USH2A: variants seen among roughly 807,000 people sequenced by gnomAD.
USH2A encodes the protein Usher syndrome 2A (autosomal recessive, mild).
USH2A carries 443 observed loss-of-function variants against 538.9 expected under a neutral mutation model. The observed-to-expected ratio is 0.82, with a 90% confidence interval of 0.76 to 0.89. The LOEUF is 0.89. USH2A is among the 40% of genes least tolerant of loss of function. USH2A has a pLI of 0.00. For missense variants in USH2A, 6,633 were observed against 6,324.8 expected (o/e 1.05, Z -1.65); for synonymous variants, 2,413 against 2,273.5 (o/e 1.06, Z -1.75).
chr1:216,119,986 G>T (rs2102593260), intron 21 of USH2A, among the ~76,000 whole-genome samples: 1 of 149,940 alleles, frequency 6.7e-6, no homozygotes, highest in African/African-American at 2.4e-5. Context: ...ATATTCACTT[G>T]TTTTTTTTTA....
chr1:216,183,528 G>A (rs1264282175), intron 20 of USH2A, among the ~76,000 whole-genome samples: 1 of 151,916 alleles, frequency 6.6e-6, no homozygotes, highest in East Asian at 1.9e-4. Context: ...ACCGATTTAA[G>A]ATGCGGCATA....
At chr1:216,241,648 C>A (rs189423257) in intron 13 of USH2A, among the ~76,000 whole-genome samples, 3 of 152,178 alleles carry the variant, frequency 2.0e-5, no homozygotes, top group African/African-American at 7.2e-5. Flanking sequence ...GATTCTCCTG[C>A]CTCAGTCTCC....
chr1:216,152,462 C>G (rs2033857327), intron 21 of USH2A, among the ~76,000 whole-genome samples: 3 of 150,464 alleles, frequency 2.0e-5, no homozygotes, highest in Non-Finnish European at 4.4e-5. Flanking sequence ...GCGACCCCCA[C>G]TCCTGCCCAC....
At chr1:216,285,608 C>T (rs1242870648) in intron 11 of USH2A, among the ~76,000 whole-genome samples, 2 of 152,206 alleles carry the variant, frequency 1.3e-5, no homozygotes, top group Non-Finnish European at 2.9e-5. Context: ...AGGGGGCCAC[C>T]ATCCTCCAGA....
chr1:216,262,509 A>G (rs2036393476), intron 11 of USH2A, among the ~76,000 whole-genome samples: 1 of 152,094 alleles, frequency 6.6e-6, no homozygotes, highest in African/African-American at 2.4e-5. Context: ...GTCTATTGAA[A>G]TAACTCAAGC....
chr1:216,326,256 A>T (rs2037733210), intron 5 of USH2A, among the ~76,000 whole-genome samples: 1 of 152,180 alleles, frequency 6.6e-6, no homozygotes, highest in Non-Finnish European at 1.5e-5. Context: ...CTAGACCAGA[A>T]TTAGTCATTC....
chr1:215,652,204 G>A (rs955242320), intron 64 of USH2A, among the ~76,000 whole-genome samples: 1 of 152,224 alleles, frequency 6.6e-6, no homozygotes, highest in African/African-American at 2.4e-5. Flanking sequence ...TGAGGAAATT[G>A]AGCCTCAGAA....
At chr1:216,290,961 C>A (rs2036988848) in intron 10 of USH2A, among the ~76,000 whole-genome samples, 1 of 152,122 alleles carries the variant, frequency 6.6e-6, no homozygotes, top group African/African-American at 2.4e-5. Flanking sequence ...TCTATCCGTA[C>A]CATCTGAAAT....
chr1:216,371,572 A>C (rs548744193), intron 3 of USH2A, among the ~76,000 whole-genome samples: 1 of 152,264 alleles, frequency 6.6e-6, no homozygotes, highest in East Asian at 1.9e-4. Flanking sequence ...ATACATGTAC[A>C]GTTGGCTTTG....
rs777629750 is a variant in USH2A at position 216,247,101 on chromosome 1, G to T, written c.2293C>A (p.Gln765Lys). The part of the protein sequence containing the change: ...VNKFCNPHSG[Q>K]CECKKEAKGL... ...TTGGCTTCTTTTTTGCACTCACACT[G>T]CCCAGAGTGAGGATTGCAGAATTTG... Residue 765 changes from glutamine (Q) to lysine (K), a missense_variant, in exon 13 of 72, where the codon CAG becomes AAG. Coordinates refer to ENST00000307340, the MANE Select transcript of USH2A (RefSeq NM_206933.4). 1 of 1,614,012 alleles carries T rather than the reference G, an allele frequency of 6.2e-7. No individual in the cohort carries two copies. Among genetic ancestry groups the T allele is most frequent in the Non-Finnish European group, 8.5e-7 (1 of 1,179,942 alleles).
At chr1:215,887,471 T>G (rs1263572452) in intron 41 of USH2A, among the ~76,000 whole-genome samples, 1 of 152,344 alleles carries the variant, frequency 6.6e-6, no homozygotes, top group Middle Eastern at 3.4e-3. Context: ...GTATATCGTG[T>G]ACTTAAAATT....
At chr1:216,237,545 G>A (rs189566434) in intron 13 of USH2A, among the ~76,000 whole-genome samples, 1 of 149,194 alleles carries the variant, frequency 6.7e-6, no homozygotes, top group Non-Finnish European at 1.5e-5. Flanking sequence ...CACTCTTTCA[G>A]AGTATACATT....
intron 11 of USH2A, among the ~76,000 whole-genome samples, chr1:216,258,815 A>G (rs1325449770): frequency 2.6e-5 from 4 of 152,116 alleles, no homozygotes; most frequent in Non-Finnish European, 2.9e-5. Context: ...GTTCAGTCAA[A>G]GTAAAGTCTC....
chr1:215,759,627 C>T (rs748416103), intron 57 of USH2A, 33 bp downstream of exon 57: 42 of 1,612,426 alleles, frequency 2.6e-5, no homozygotes, highest in Non-Finnish European at 3.2e-5. Context: ...ACAAATCCTG[C>T]TGTATGATTG....
chr1:216,409,301 T>TC (rs2039444032), intron 3 of USH2A, among the ~76,000 whole-genome samples: 1 of 152,132 alleles, frequency 6.6e-6, no homozygotes, highest in Non-Finnish European at 1.5e-5. Context: ...AAAATGGCCA[T>TC]ATTGCCCAAA....
chr1:216,362,458 G>C (rs889293120), intron 4 of USH2A, among the ~76,000 whole-genome samples: 1 of 152,018 alleles, frequency 6.6e-6, no homozygotes, highest in Non-Finnish European at 1.5e-5. Context: ...AGTGTTTAAG[G>C]AAACAAGTAC....
intron 14 of USH2A, among the ~76,000 whole-genome samples, chr1:216,224,674 T>A (rs1490843182): frequency 6.6e-6 from 1 of 152,124 alleles, no homozygotes; most frequent in African/African-American, 2.4e-5. Flanking sequence ...TTTATTTATT[T>A]TGCCCTTGGG....
chr1:215,819,116 G>A (rs1357239280), intron 47 of USH2A, among the ~76,000 whole-genome samples: 2 of 151,688 alleles, frequency 1.3e-5, no homozygotes, highest in East Asian at 3.9e-4. Context: ...TAAAGCATTA[G>A]CATTCCCATA....
intron 34 of USH2A, among the ~76,000 whole-genome samples, chr1:215,996,974 C>G (rs181278848): frequency 1.4e-3 from 215 of 152,212 alleles, no homozygotes; most frequent in Admixed American, 4.3e-3. Flanking sequence ...TTTTCCAGCT[C>G]TTAGTCGACA....
Sources: gnomAD v4.1 joint callset for allele counts (sites outside exome capture counted in the v4.1 genomes callset) on GRCh38, gnomAD v4.1.1 for gene constraint, MANE v1.5 for transcripts, NCBI Gene and HGNC (gene_info 2026-07-23, HGNC 2026-07-21) for gene names.